LAMA1: variants seen among roughly 807,000 people sequenced by gnomAD.
LAMA1 encodes laminin subunit alpha 1, also known as laminin subunit alpha-1.
In LAMA1, 219 loss-of-function variants were observed where a neutral mutation model predicts 348.7. That is an observed-to-expected ratio of 0.63 (90% confidence interval 0.56 to 0.70). LAMA1 has a LOEUF of 0.70. Among genes scored for constraint, LAMA1 ranks in the 30% least tolerant of loss-of-function variants. The pLI is 0.00. For synonymous variants in LAMA1, 1,487 were observed against 1,491.0 expected (o/e 1.00, Z 0.06); for missense variants, 3,744 against 3,888.0 (o/e 0.96, Z 0.99).
Position 6,977,845 on chromosome 18 carries a change from A to G in LAMA1, c.6227T>C (p.Ile2076Thr), listed in dbSNP as rs671871. The change falls in exon 44 of 63, where the codon ATT becomes ACT. Residue 2076 changes from isoleucine (I) to threonine (T), a missense_variant. Coordinates refer to ENST00000389658, the MANE Select transcript of LAMA1 (RefSeq NM_005559.4). The part of the protein sequence containing the change: ...LAGRKVKDVE[I>T]QANLLFDRLK... ...CCGATCAAACAAAAGGTTGGCTTGA[A>G]TTTCCACGTCTTTGACTTTTCTTCC... 0.2 allele frequency: 315,929 copies of G among 1,613,466 alleles called. 37,528 individuals carry two copies. Among genetic ancestry groups the G allele is most frequent in the African/African-American group, 0.57 (43,015 of 74,950 alleles).
intron 1 of LAMA1, among the ~76,000 whole-genome samples, chr18:7,099,068 C>T (rs56129532): frequency 2.8e-4 from 43 of 151,714 alleles, no homozygotes; most frequent in East Asian, 1.6e-3. Flanking sequence ...GGATGGTTGC[C>T]GTGTCTGTGT....
chr18:7,076,290 G>A (rs1217097081), intron 3 of LAMA1, among the ~76,000 whole-genome samples: 1 of 152,182 alleles, frequency 6.6e-6, no homozygotes, highest in Non-Finnish European at 1.5e-5. Flanking sequence ...GAAGAAACCT[G>A]ACTTTTAACA....
At position 6,971,867 on chromosome 18, in the gene LAMA1, A is replaced by G; in HGVS notation, c.6889T>C (p.Cys2297Arg). The G allele has an allele frequency of 2.5e-6, 4 of 1,614,106 alleles. 1 individual carries two copies. In the Middle Eastern group the frequency reaches 4.9e-4, roughly 200 times the overall value. The change falls in exon 48 of 63, where the codon TGC becomes CGC. Residue 2297 changes from cysteine (C) to arginine (R), a missense_variant. Physicochemically the swap from Cys to Arg is radical, Grantham distance 180 (BLOSUM62 -3). This residue lies in a region of LAMA1 where 1,983 missense variants were observed against 1,934.3 expected (regional missense o/e 1.03). Coordinates refer to ENST00000389658, the MANE Select transcript of LAMA1 (RefSeq NM_005559.4). ...YIEREGKCRG[C>R]FGSSQNEDPS... ...GTGACGACATCTTACCTTCCGAAGC[A>G]CCCACGGCACTTGCCTTCCCTTTCA...
In LAMA1 at chr18:6,986,319, G is replaced by C. The variant is rs747488585; in HGVS notation, c.5197C>G (p.Gln1733Glu). 6.2e-7 allele frequency: 1 copy of C among 1,614,102 alleles called. No homozygotes were observed. Among genetic ancestry groups the C allele is most frequent in the Non-Finnish European group, 8.5e-7 (1 of 1,180,022 alleles). ...TCCAGCGGCTTCTGGTAATTTTCCT[G>C]AATTTGTGACAATAAATCTTCAGCA... Reference protein sequence around the residue: ...KAAEDLLSQIQENYQKPLEEL... With the variant: ...KAAEDLLSQIEENYQKPLEEL... Residue 1733 changes from glutamine to glutamate, a missense_variant, in exon 37 of 63, where the codon CAG (glutamine) becomes GAG (glutamate). This residue lies in a region of LAMA1 where 1,983 missense variants were observed against 1,934.3 expected (regional missense o/e 1.03). Coordinates refer to ENST00000389658, the MANE Select transcript of LAMA1 (RefSeq NM_005559.4).
intron 3 of LAMA1, 123 bp downstream of exon 3, chr18:7,079,852 G>T: frequency 1.3e-6 from 1 of 756,986 alleles, no homozygotes; most frequent in Non-Finnish European, 2.3e-6. Flanking sequence ...GCCTTCACCT[G>T]GTGGAAATAG....
intron 57 of LAMA1, among the ~76,000 whole-genome samples, chr18:6,952,206 A>T (rs1009223694): frequency 6.6e-6 from 1 of 152,194 alleles, no homozygotes; most frequent in African/African-American, 2.4e-5. Flanking sequence ...AGGCGGGCCG[A>T]GAGAGAGCAG....
At chr18:7,014,184 G>T in intron 22 of LAMA1, 133 bp from the exon 23 acceptor site, 1 of 780,624 alleles carries the variant, frequency 1.3e-6, no homozygotes, top group Non-Finnish European at 2.2e-6. Flanking sequence ...TGCTATTGCT[G>T]CATGGATTCA....
chr18:7,029,976 AG>A (rs1424312293), intron 16 of LAMA1, among the ~76,000 whole-genome samples: 15 of 146,344 alleles, frequency 1.0e-4, no homozygotes, highest in East Asian at 5.8e-4. Context: ...ACAATATATT[AG>A]AAAAAAAAAA....
intron 1 of LAMA1, among the ~76,000 whole-genome samples, chr18:7,085,669 C>T (rs751888851): frequency 1.1e-4 from 16 of 152,110 alleles, no homozygotes; most frequent in Non-Finnish European, 1.6e-4. Flanking sequence ...CCGCCCGCCT[C>T]AGCCTCCCAA....
chr18:6,972,889 C>T (rs113015492), intron 47 of LAMA1, among the ~76,000 whole-genome samples, 168 bp downstream of exon 47: 20 of 152,276 alleles, frequency 1.3e-4, no homozygotes, highest in African/African-American at 4.8e-4. Flanking sequence ...AAGAGTTTCT[C>T]CATGTTGGTC....
intron 2 of LAMA1, 87 bp from the exon 3 acceptor site, chr18:7,080,174 A>C: frequency 1.3e-6 from 2 of 1,559,826 alleles, no homozygotes; most frequent in Non-Finnish European, 1.8e-6. Context: ...AGTGGAAACA[A>C]AGAGCAGTGA....
chr18:6,974,093 A>C (rs1217385455), intron 46 of LAMA1, among the ~76,000 whole-genome samples: 2 of 152,076 alleles, frequency 1.3e-5, no homozygotes, highest in Non-Finnish European at 2.9e-5. Context: ...TCCAAAGGTA[A>C]CCTAAACTTT....
intron 3 of LAMA1, among the ~76,000 whole-genome samples, chr18:7,061,032 GC>G (rs1568051080): frequency 6.6e-6 from 1 of 152,126 alleles, no homozygotes; most frequent in Non-Finnish European, 1.5e-5. Flanking sequence ...GGTGGTGCAT[GC>G]CTTTGGTCCC....
chr18:7,116,327 T>C (rs1412436132), intron 1 of LAMA1, among the ~76,000 whole-genome samples: 2 of 152,028 alleles, frequency 1.3e-5, no homozygotes, highest in African/African-American at 4.8e-5. Context: ...TAGACAGGAG[T>C]CCCCTCGCAA....
At chr18:6,991,803 C>T (rs1250831322) in intron 36 of LAMA1, among the ~76,000 whole-genome samples, 2 of 152,068 alleles carry the variant, frequency 1.3e-5, no homozygotes, top group African/African-American at 4.8e-5. Flanking sequence ...AGATATAAAA[C>T]ATTTGAATAA....
At chr18:7,111,970 G>A (rs1472265593) in intron 1 of LAMA1, among the ~76,000 whole-genome samples, 4 of 152,100 alleles carry the variant, frequency 2.6e-5, no homozygotes, top group Admixed American at 2.6e-4. Context: ...CCAGTAATAA[G>A]TCATACTTAT....
At chr18:7,025,270 G>A (rs773152693) in intron 17 of LAMA1, among the ~76,000 whole-genome samples, 1 of 152,192 alleles carries the variant, frequency 6.6e-6, no homozygotes, top group Non-Finnish European at 1.5e-5. Context: ...GGCGATGCCT[G>A]TTCCTGCTGC....
At chr18:7,116,474 T>C (rs1473047586) in intron 1 of LAMA1, among the ~76,000 whole-genome samples, 1 of 152,220 alleles carries the variant, frequency 6.6e-6, no homozygotes, top group Non-Finnish European at 1.5e-5. Context: ...GGTCCAGTGC[T>C]TCCATCATGA....
At chr18:6,947,446 G>A in intron 60 of LAMA1, 150 bp from the exon 61 acceptor site, 3 of 875,264 alleles carry the variant, frequency 3.4e-6, no homozygotes, top group Admixed American at 2.0e-5. Flanking sequence ...CCTGCCCTCT[G>A]AGCCTCGGCT....
Sources: gnomAD v4.1 joint callset for allele counts (sites outside exome capture counted in the v4.1 genomes callset) on GRCh38, gnomAD v4.1.1 for gene constraint, gnomAD v4.1.1 regional missense constraint, MANE v1.5 for transcripts, NCBI Gene and HGNC (gene_info 2026-07-23, HGNC 2026-07-21) for gene names.